Variants in CPA6 observed in about 807,000 individuals in gnomAD.
The protein encoded by CPA6 is carboxypeptidase B.
Under a neutral mutation model 63.3 loss-of-function variants are expected in CPA6, and 58 were observed. The ratio of observed to expected loss-of-function variants is 0.92; its 90% CI spans 0.74 to 1.14. The LOEUF (loss-of-function observed/expected upper bound fraction) is 1.14, where lower values mean the gene tolerates loss of function less well. CPA6 is among the 50% of genes most tolerant of loss of function. The pLI, the probability that CPA6 is intolerant of heterozygous loss-of-function variation, is 0.00. For synonymous variants in CPA6, 185 were observed against 179.0 expected, an observed-to-expected ratio of 1.03 and a Z score of -0.27; for missense variants, 565 against 526.6, an observed-to-expected ratio of 1.07 and a Z score of -0.71.
At chr8:67,600,615 A>AT (rs780037909) in intron 2 of CPA6, among the ~76,000 whole-genome samples, 55 of 152,240 alleles carry the variant, frequency 3.6e-4, no homozygotes, top group Non-Finnish European at 7.2e-4. Context: ...TCTCTGTATA[A>AT]TTTTTTGTCA....
chr8:67,681,297 C>T (rs576560194), intron 1 of CPA6, among the ~76,000 whole-genome samples: 2 of 145,500 alleles, frequency 1.4e-5, no homozygotes, highest in Admixed American at 6.8e-5. Flanking sequence ...GCAAGCTCCG[C>T]TTCCCGGGTT....
At chr8:67,588,943 C>T (rs572675553) in intron 2 of CPA6, among the ~76,000 whole-genome samples, 81 of 152,002 alleles carry the variant, frequency 5.3e-4, no homozygotes, top group African/African-American at 1.6e-3. Context: ...ATGGTGAAAC[C>T]CTGTTTCTAT....
At chr8:67,597,102 T>G (rs958071345) in intron 2 of CPA6, among the ~76,000 whole-genome samples, 6 of 152,182 alleles carry the variant, frequency 3.9e-5, no homozygotes, top group African/African-American at 1.4e-4. Context: ...TAGCATAGTT[T>G]GTGACTACGC....
At chr8:67,577,640 T>G (rs889220102) in intron 2 of CPA6, among the ~76,000 whole-genome samples, 1 of 152,224 alleles carries the variant, frequency 6.6e-6, no homozygotes, top group African/African-American at 2.4e-5. Context: ...ATATTAACAT[T>G]TCTTGAAAGC....
intron 2 of CPA6, among the ~76,000 whole-genome samples, chr8:67,591,610 T>C (rs1814127803): frequency 6.6e-6 from 1 of 152,204 alleles, no homozygotes; most frequent in African/African-American, 2.4e-5. Context: ...ATGTCCCTTG[T>C]AAGTTGGATT....
intron 1 of CPA6, among the ~76,000 whole-genome samples, chr8:67,723,834 A>T (rs1817548726): frequency 6.6e-6 from 1 of 152,210 alleles, no homozygotes; most frequent in African/African-American, 2.4e-5. Context: ...GAATATTTAG[A>T]GTGGGAGCAA....
intron 10 of CPA6, among the ~76,000 whole-genome samples, chr8:67,424,743 G>A (rs944823568): frequency 6.6e-5 from 10 of 152,094 alleles, no homozygotes; most frequent in East Asian, 1.9e-4. Context: ...GCCTCTACCC[G>A]TGTATTAAAC....
intron 8 of CPA6, among the ~76,000 whole-genome samples, chr8:67,449,358 A>G (rs1026592198): frequency 6.6e-6 from 1 of 152,230 alleles, no homozygotes; most frequent in African/African-American, 2.4e-5. Flanking sequence ...AACAATCTAC[A>G]GCAGCATTAA....
intron 6 of CPA6, among the ~76,000 whole-genome samples, chr8:67,492,237 G>T (rs11985562): frequency 0.03 from 4,532 of 152,260 alleles, 227 homozygotes; most frequent in African/African-American, 0.1. Flanking sequence ...TGAGGCAAGT[G>T]GTTGGGATGA....
At chr8:67,742,339 CA>C (rs1257617562) in intron 1 of CPA6, among the ~76,000 whole-genome samples, 2 of 152,100 alleles carry the variant, frequency 1.3e-5, no homozygotes, top group Admixed American at 6.5e-5. Context: ...GTTCCCCAAA[CA>C]AGAGTAAATC....
intron 2 of CPA6, among the ~76,000 whole-genome samples, chr8:67,570,961 T>C (rs1320719577): frequency 1.3e-5 from 2 of 152,166 alleles, no homozygotes; most frequent in Admixed American, 1.3e-4. Flanking sequence ...ATTCACTTCA[T>C]TTTTAAGGAC....
At chr8:67,683,965 G>A (rs1243207745) in intron 1 of CPA6, among the ~76,000 whole-genome samples, 1 of 146,534 alleles carries the variant, frequency 6.8e-6, no homozygotes, top group East Asian at 2.0e-4. Context: ...GCTGGGACTA[G>A]AGGCACATGC....
At chr8:67,720,058 A>C (rs1817463349) in intron 1 of CPA6, among the ~76,000 whole-genome samples, 1 of 152,070 alleles carries the variant, frequency 6.6e-6, no homozygotes, top group Non-Finnish European at 1.5e-5. Flanking sequence ...TGAGTCCGAA[A>C]AGAGAGTCAG....
At chr8:67,451,102 G>A (rs1216278764) in intron 8 of CPA6, among the ~76,000 whole-genome samples, 1 of 152,176 alleles carries the variant, frequency 6.6e-6, no homozygotes, top group African/African-American at 2.4e-5. Context: ...AATAAGTGGA[G>A]CTGACCCTGC....
intron 2 of CPA6, among the ~76,000 whole-genome samples, chr8:67,601,031 G>A (rs1814483759): frequency 6.6e-6 from 1 of 152,122 alleles, no homozygotes; most frequent in Non-Finnish European, 1.5e-5. Context: ...AGCATTTCCT[G>A]TAATTGCTGA....
intron 2 of CPA6, among the ~76,000 whole-genome samples, chr8:67,542,861 G>C (rs1373782757): frequency 3.3e-5 from 5 of 152,158 alleles, no homozygotes; most frequent in Non-Finnish European, 7.3e-5. Flanking sequence ...GGTCTTCCCT[G>C]ATCTTTCTGA....
chr8:67,542,197 CT>C (rs1812722730), intron 2 of CPA6, among the ~76,000 whole-genome samples: 1 of 152,242 alleles, frequency 6.6e-6, no homozygotes, highest in South Asian at 2.1e-4. Flanking sequence ...CTAGGCAGCT[CT>C]GCAGTCATTG....
chr8:67,551,009 T>C (rs1468064181), intron 2 of CPA6, among the ~76,000 whole-genome samples: 1 of 152,212 alleles, frequency 6.6e-6, no homozygotes, highest in Non-Finnish European at 1.5e-5. Flanking sequence ...GTTGATAGTT[T>C]CTTTTGCTGT....
intron 1 of CPA6, among the ~76,000 whole-genome samples, chr8:67,675,359 A>G (rs1418815172): frequency 6.6e-6 from 1 of 151,922 alleles, no homozygotes; most frequent in Non-Finnish European, 1.5e-5. Context: ...CCTGCCTGTA[A>G]CTCTGGAAGA....
Sources: gnomAD v4.1 joint callset for allele counts (sites outside exome capture counted in the v4.1 genomes callset) on GRCh38, gnomAD v4.1.1 for gene constraint, MANE v1.5 for transcripts, NCBI Gene and HGNC (gene_info 2026-07-23, HGNC 2026-07-21) for gene names.